MACROD2: variants seen among roughly 807,000 people sequenced by gnomAD.
MACROD2 encodes ADP-ribose glycohydrolase MACROD2.
A neutral mutation model predicts 70.4 loss-of-function variants in MACROD2; 36 were observed. That is an observed-to-expected ratio of 0.51 (90% CI 0.39 to 0.68). The LOEUF is 0.68. Among genes scored for constraint, MACROD2 ranks in the 30% least tolerant of loss-of-function variants. MACROD2 has a pLI of 0.00. For synonymous variants in MACROD2, 172 were observed against 178.8 expected (o/e 0.96, Z 0.30); for missense variants, 496 against 538.4 (o/e 0.92, Z 0.78).
chr20:15,076,398 A>AATT (rs1178076129), intron 5 of MACROD2, among the ~76,000 whole-genome samples: 2 of 152,188 alleles, frequency 1.3e-5, no homozygotes, highest in African/African-American at 2.4e-5. Flanking sequence ...AAAGATTTTC[A>AATT]ATTAGTATAT....
At chr20:14,138,587 T>C (rs2054830001) in intron 3 of MACROD2, among the ~76,000 whole-genome samples, 1 of 152,134 alleles carries the variant, frequency 6.6e-6, no homozygotes, top group African/African-American at 2.4e-5. Flanking sequence ...CAATTTAGTA[T>C]GTACAGCATG....
chr20:14,564,563 G>A (rs944355603), intron 4 of MACROD2, among the ~76,000 whole-genome samples: 1 of 152,024 alleles, frequency 6.6e-6, no homozygotes, highest in Non-Finnish European at 1.5e-5. Flanking sequence ...TATTTCAAAA[G>A]AAGACATACA....
At chr20:15,681,313 A>G (rs925440996) in intron 8 of MACROD2, among the ~76,000 whole-genome samples, 1 of 152,228 alleles carries the variant, frequency 6.6e-6, no homozygotes, top group African/African-American at 2.4e-5. Flanking sequence ...AATGCTCAGA[A>G]ACATACAGAA....
At chr20:14,472,999 G>C (rs541489924) in intron 3 of MACROD2, among the ~76,000 whole-genome samples, 10 of 151,766 alleles carry the variant, frequency 6.6e-5, no homozygotes, top group Non-Finnish European at 1.2e-4. Context: ...CTCACTAAGA[G>C]GTTTATTTAT....
chr20:15,743,821 CTCTTTCTCAT>C (rs111747242), intron 8 of MACROD2, among the ~76,000 whole-genome samples: 27 of 152,286 alleles, frequency 1.8e-4, no homozygotes, highest in African/African-American at 6.0e-4. Context: ...ACTCTTCTTT[CTCTTTCTCAT>C]TCTTTCTAGA....
intron 8 of MACROD2, among the ~76,000 whole-genome samples, chr20:15,853,127 G>A (rs1027294671): frequency 1.3e-5 from 2 of 152,142 alleles, no homozygotes; most frequent in African/African-American, 4.8e-5. Flanking sequence ...CAAGGTCAGG[G>A]TAGAAATAAA....
At chr20:15,887,196 T>C (rs1363150691) in intron 10 of MACROD2, among the ~76,000 whole-genome samples, 2 of 152,090 alleles carry the variant, frequency 1.3e-5, no homozygotes, top group Admixed American at 6.6e-5. Flanking sequence ...GTTATATCTC[T>C]CTCCCTCCCC....
At chr20:14,161,177 T>C (rs2055181635) in intron 3 of MACROD2, among the ~76,000 whole-genome samples, 1 of 149,460 alleles carries the variant, frequency 6.7e-6, no homozygotes, top group African/African-American at 2.5e-5. Flanking sequence ...GATTTCATTC[T>C]TTTTTTTCTT....
At chr20:15,576,645 G>C (rs572723399) in intron 8 of MACROD2, among the ~76,000 whole-genome samples, 1 of 150,968 alleles carries the variant, frequency 6.6e-6, no homozygotes, top group African/African-American at 2.4e-5. Flanking sequence ...ATCTTCCACT[G>C]TGAATAAAAC....
At position 15,546,746 on chromosome 20, in the gene MACROD2, A is replaced by G. The variant is rs75299165; in HGVS notation, c.645+46899A>G. Among the ~76,000 whole-genome samples the G allele has an allele frequency of 5.1e-3, 773 of 152,314 alleles. 2 individuals carry two copies. The highest frequency in any genetic ancestry group is 8.7e-3 in the Non-Finnish European group (590 of 68,024). ...TTAGAGGTTGCTGCACTCAAGCTTT[A>G]GATGACTCTTCTATCTCCCAGAGCA... On this transcript the variant is annotated intron_variant, in intron 8 of 17. Transcript: ENST00000684519.
At chr20:15,529,727 G>T (rs2047771400) in intron 8 of MACROD2, among the ~76,000 whole-genome samples, 1 of 152,142 alleles carries the variant, frequency 6.6e-6, no homozygotes, top group African/African-American at 2.4e-5. Flanking sequence ...GTTTGACACA[G>T]TAGAATTAAA....
At chr20:15,371,940 T>C (rs2045499845) in intron 6 of MACROD2, among the ~76,000 whole-genome samples, 1 of 152,212 alleles carries the variant, frequency 6.6e-6, no homozygotes, top group South Asian at 2.1e-4. Context: ...GCCATTAAAA[T>C]ACATGTTGTG....
At chr20:15,571,961 T>G (rs2048382273) in intron 8 of MACROD2, among the ~76,000 whole-genome samples, 1 of 152,150 alleles carries the variant, frequency 6.6e-6, no homozygotes, top group Admixed American at 6.6e-5. Flanking sequence ...CCAAACTTAT[T>G]TTGACCAGTT....
intron 4 of MACROD2, among the ~76,000 whole-genome samples, chr20:14,558,959 A>G (rs1026895690): frequency 2.6e-5 from 4 of 151,710 alleles, no homozygotes; most frequent in Non-Finnish European, 4.4e-5. Context: ...TTCAAGCTTC[A>G]TATTATAACA....
intron 5 of MACROD2, among the ~76,000 whole-genome samples, chr20:14,907,776 T>C (rs73089980): frequency 0.017 from 2,564 of 152,304 alleles, 37 homozygotes; most frequent in Non-Finnish European, 0.024. Flanking sequence ...GGGCTTTTCA[T>C]GTCCAACGAA....
intron 8 of MACROD2, among the ~76,000 whole-genome samples, chr20:15,714,579 T>C (rs1249450848): frequency 6.6e-6 from 1 of 152,144 alleles, no homozygotes; most frequent in Non-Finnish European, 1.5e-5. Context: ...TTAGGCTTGA[T>C]TAGGGTCTTA....
chr20:15,174,107 C>T (rs2076442273), intron 5 of MACROD2, among the ~76,000 whole-genome samples: 1 of 152,150 alleles, frequency 6.6e-6, no homozygotes, highest in South Asian at 2.1e-4. Context: ...TTTCCTAATG[C>T]TTATTGTGCA....
Position 15,770,084 on chromosome 20 carries a change from A to ATTTTTTTT in MACROD2, c.646-92657_646-92656insTTTTTTTT, listed in dbSNP as rs1234797549. 1.8e-3 allele frequency among the ~76,000 whole-genome samples: 228 copies of ATTTTTTTT among 125,666 alleles called. 1 individual carries two copies. The highest frequency in any genetic ancestry group is 6.9e-3 in the African/African-American group (212 of 30,666). 82.4% of individuals were successfully genotyped at this position (125,666 alleles called of 152,430 possible). A position where few individuals can be genotyped will look rare whatever the true frequency, so the allele number is the denominator to read the frequency against. On this transcript the variant is annotated intron_variant, in intron 8 of 17. Transcript: ENST00000684519. ...AAATTTATTTTTTTAATTTATTTTA[A>ATTTTTTTT]TTTTCTTTTTTTTTTTTTTTTTTTT... is the stretch of plus-strand genomic sequence containing the variant.
intron 3 of MACROD2, among the ~76,000 whole-genome samples, chr20:14,462,546 C>T (rs1445351099): frequency 6.6e-6 from 1 of 151,772 alleles, no homozygotes; most frequent in Non-Finnish European, 1.5e-5. Context: ...TAATTAGATC[C>T]CATTTGTCAA....
Sources: gnomAD v4.1 joint callset for allele counts (sites outside exome capture counted in the v4.1 genomes callset) on GRCh38, gnomAD v4.1.1 for gene constraint, MANE v1.5 for transcripts, NCBI Gene and HGNC (gene_info 2026-07-23, HGNC 2026-07-21) for gene names.